Variants in DLEC1 observed in about 807,000 individuals in gnomAD.
DLEC1 encodes DLEC1 cilia and flagella associated protein, also known as deleted in lung and esophageal cancer protein 1.
DLEC1 carries 146 observed loss-of-function variants against 198.1 expected under a neutral mutation model. The ratio of observed to expected loss-of-function variants is 0.74; its 90% CI spans 0.64 to 0.85. The LOEUF is 0.85. Ranked by LOEUF, DLEC1 falls within the 40% of genes least tolerant of loss-of-function variation. The pLI is 0.00. For synonymous variants in DLEC1, 897 were observed against 866.8 expected (o/e 1.03, Z -0.61); for missense variants, 2,233 against 2,220.0 (o/e 1.01, Z -0.12).
At chr3:38,084,621 T>TGGTGGTAGTAGTGGTGGTAGTAGTGGTA (rs1553617798) in intron 7 of DLEC1, among the ~76,000 whole-genome samples, 1 of 126,390 alleles carries the variant, frequency 7.9e-6, no homozygotes, top group Non-Finnish European at 1.7e-5. Flanking sequence ...GTAGCAGTAC[T>TGGTGGTAGTAGTGGTGGTAGTAGTGGTA]GCTACTACTT....
chr3:38,072,848 T>C (rs924473818), intron 6 of DLEC1, among the ~76,000 whole-genome samples: 2 of 151,972 alleles, frequency 1.3e-5, no homozygotes, highest in Non-Finnish European at 2.9e-5. Flanking sequence ...TGGAGGGAGA[T>C]ACCTGATATC....
At chr3:38,064,362 A>C (rs963269950) in intron 6 of DLEC1, among the ~76,000 whole-genome samples, 2 of 152,244 alleles carry the variant, frequency 1.3e-5, no homozygotes, top group African/African-American at 4.8e-5. Flanking sequence ...CCAAGGCAGA[A>C]GAATTTTTCT....
chr3:38,085,295 G>A lies in DLEC1; in HGVS notation c.1283G>A (p.Gly428Glu). ...ACAGGGATGTTCCCAGGAAAAGGTG[G>A]AATGGTGGCTCCTGGAATGACCTGC... The part of the protein sequence containing the change: ...LGLGMFPGKG[G>E]MVAPGMTCQY... The change falls in exon 8 of 37, where the codon GGA becomes GAA. Residue 428 changes from glycine to glutamate, a missense_variant. By Grantham distance (98) the Gly-to-Glu change is moderately conservative. Coordinates refer to ENST00000308059, the MANE Select transcript of DLEC1 (RefSeq NM_007335.4). The A allele has an allele frequency of 3.7e-6, 6 of 1,614,164 alleles. No individual in the cohort carries two copies. The highest frequency in any genetic ancestry group is 1.1e-5 in the South Asian group (1 of 91,088).
intron 13 of DLEC1, 133 bp downstream of exon 13, chr3:38,095,204 C>A: frequency 8.6e-7 from 1 of 1,163,834 alleles, no homozygotes; most frequent in Non-Finnish European, 1.2e-6. Context: ...CAGCACTTGG[C>A]TGAGTTGGGT....
chr3:38,053,524 G>A lies in DLEC1; in HGVS notation c.563-6218G>A, dbSNP rs576383949. On this transcript the variant is annotated intron_variant, in intron 2 of 36. Coordinates refer to ENST00000308059, the MANE Select transcript of DLEC1 (RefSeq NM_007335.4). Reference sequence around the variant, plus strand: ...AGCCCCTCCGCCCGGCAGCCGCCCCGTCTGGGAAGTGAGGAGCGTCTCCAC... The same window carrying A: ...AGCCCCTCCGCCCGGCAGCCGCCCCATCTGGGAAGTGAGGAGCGTCTCCAC... Among the ~76,000 whole-genome samples, 779 of 133,822 alleles carry A rather than the reference G, an allele frequency of 5.8e-3. 7 individuals are homozygous for A. Among genetic ancestry groups the A allele is most frequent in the African/African-American group, 0.02 (696 of 35,584 alleles). 87.8% of individuals were successfully genotyped at this position (133,822 alleles called of 152,430 possible).
chr3:38,082,570 G>A (rs1433447950), intron 6 of DLEC1, among the ~76,000 whole-genome samples: 1 of 152,152 alleles, frequency 6.6e-6, no homozygotes, highest in Non-Finnish European at 1.5e-5. Flanking sequence ...AAGAGGTTGG[G>A]GTGTGGAAAT....
chr3:38,084,607 A>AGTGGTGGTG (rs1267675678), intron 7 of DLEC1, among the ~76,000 whole-genome samples: 3 of 24,484 alleles, frequency 1.2e-4, no homozygotes, highest in Admixed American at 3.9e-4. Context: ...TAGTAGCAGT[A>AGTGGTGGTG]GCAGTAGCAG....
chr3:38,083,498 G>C (rs1698173316), intron 6 of DLEC1, among the ~76,000 whole-genome samples: 1 of 152,126 alleles, frequency 6.6e-6, no homozygotes, highest in African/African-American at 2.4e-5. Flanking sequence ...GTGGTGGAAT[G>C]TCATCAGTTA....
chr3:38,056,562 G>A (rs530172269), intron 2 of DLEC1, among the ~76,000 whole-genome samples: 3 of 152,162 alleles, frequency 2.0e-5, no homozygotes, highest in African/African-American at 7.2e-5. Context: ...TGCCCACCTC[G>A]GCCTCCCAAA....
chr3:38,075,002 C>A (rs182395914), intron 6 of DLEC1, among the ~76,000 whole-genome samples: 16 of 152,030 alleles, frequency 1.1e-4, no homozygotes, highest in African/African-American at 3.9e-4. Flanking sequence ...TAAGCCGGAC[C>A]GGGTGTGAGG....
chr3:38,075,686 A>G (rs113192806), intron 6 of DLEC1, among the ~76,000 whole-genome samples: 9,522 of 151,962 alleles, frequency 0.063, 388 homozygotes, highest in Middle Eastern at 0.12. Context: ...GGGTGCAGAG[A>G]TAAGAGGTCG....
At chr3:38,098,403 T>C (rs1699142842) in intron 18 of DLEC1, among the ~76,000 whole-genome samples, 1 of 151,990 alleles carries the variant, frequency 6.6e-6, no homozygotes, top group Admixed American at 6.6e-5. Flanking sequence ...ACTATAAAAG[T>C]AGGAAAAAAA....
intron 2 of DLEC1, chr3:38,051,814 A>G (rs1002452049): frequency 6.5e-6 from 1 of 154,614 alleles, no homozygotes; most frequent in African/African-American, 2.4e-5. Flanking sequence ...TCTACAAATG[A>G]TAAAACTATA....
Position 38,114,789 on chromosome 3 carries a change from A to G in DLEC1, c.3786-194A>G, listed in dbSNP as rs1380666566. Reference sequence around the variant, plus strand: ...GGGCAGGTGGGTGGGTTGCCAGGGCACAGGGCAGCCCCAGAGCCCAGCTCA... The same window carrying G: ...GGGCAGGTGGGTGGGTTGCCAGGGCGCAGGGCAGCCCCAGAGCCCAGCTCA... On this transcript the variant is annotated intron_variant, in intron 26 of 36. Coordinates refer to ENST00000308059, the MANE Select transcript of DLEC1 (RefSeq NM_007335.4). Among the ~76,000 whole-genome samples, 3 of 152,164 alleles carry G rather than the reference A, an allele frequency of 2.0e-5. No homozygotes were observed. In the East Asian group the frequency reaches 5.8e-4, roughly 29 times the overall value.
intron 2 of DLEC1, among the ~76,000 whole-genome samples, chr3:38,054,316 C>T (rs1421504351): frequency 1.3e-5 from 2 of 152,244 alleles, no homozygotes; most frequent in Non-Finnish European, 2.9e-5. Context: ...GCTCTCCTGC[C>T]TCCATGAGGG....
In DLEC1 at chr3:38,114,973, C is replaced by T. The variant is rs765780641; in HGVS notation, c.3786-10C>T. 2.2e-5 allele frequency: 35 copies of T among 1,612,596 alleles called. No individual in the cohort carries two copies. Among genetic ancestry groups the T allele is most frequent in the Admixed American group, 8.4e-5 (5 of 59,868 alleles). ...TGTGGCTGTACTGAGTCCAGTCTGT[C>T]CCCCTCCAGGTTCGGCACCCAGGTC... is the stretch of plus-strand genomic sequence containing the variant. On this transcript the variant is annotated splice_polypyrimidine_tract_variant and intron_variant, in intron 26 of 36. Transcript: ENST00000308059.
At chr3:38,106,790 C>T (rs1225747281) in intron 19 of DLEC1, among the ~76,000 whole-genome samples, 1 of 141,528 alleles carries the variant, frequency 7.1e-6, no homozygotes, top group African/African-American at 2.6e-5. Flanking sequence ...GACCTTTCAA[C>T]TAATTGAATT....
intron 10 of DLEC1, among the ~76,000 whole-genome samples, chr3:38,091,483 T>C (rs969643258): frequency 7.3e-5 from 11 of 151,364 alleles, no homozygotes; most frequent in Admixed American, 5.9e-4. Context: ...AACAAACAAA[T>C]GAACAAACAA....
chr3:38,118,978 A>G (rs1700321189), intron 33 of DLEC1, among the ~76,000 whole-genome samples: 1 of 152,172 alleles, frequency 6.6e-6, no homozygotes, highest in African/African-American at 2.4e-5. Context: ...TGCAGAAGAC[A>G]GAATGGCACC....
Sources: allele counts gnomAD v4.1 joint callset (sites outside exome capture counted in the v4.1 genomes callset), GRCh38; gene constraint gnomAD v4.1.1; transcripts MANE v1.5; gene names NCBI Gene and HGNC (gene_info 2026-07-23, HGNC 2026-07-21).